The following DEDD2 variants were observed in gnomAD, a reference collection of about 807,000 sequenced individuals.
DEDD2 encodes death effector domain containing 2.
Under a neutral mutation model 28.9 loss-of-function variants are expected in DEDD2, and 18 were observed. That is an observed-to-expected ratio of 0.62 (90% CI 0.43 to 0.92). The LOEUF (loss-of-function observed/expected upper bound fraction) is 0.92. DEDD2 is among the 40% of genes least tolerant of loss of function. DEDD2 has a pLI of 0.00. For missense variants in DEDD2, 411 were observed against 463.3 expected (o/e 0.89, Z 1.04); for synonymous variants, 211 against 206.1 (o/e 1.02, Z -0.20).
In DEDD2 at chr19:42,206,063, G is replaced by A. The variant is rs529693683; in HGVS notation, c.589+3637C>T. ...TGCGCCACTGTGCTCCAGCCTGGGC[G>A]ACGGAGACCCTGTCTCATAATTTAA... On this transcript the variant is annotated intron_variant, in intron 4 of 4. Coordinates refer to ENST00000596251, the MANE Select transcript of DEDD2 (RefSeq NM_133328.4). 9.4e-5 allele frequency among the ~76,000 whole-genome samples: 14 copies of A among 149,460 alleles called. No homozygotes were observed. The East Asian group carries it at 2.8e-3, about 29-fold the overall frequency.
intron 4 of DEDD2, among the ~76,000 whole-genome samples, chr19:42,207,862 C>A (rs1459760894): frequency 6.6e-6 from 1 of 151,740 alleles, no homozygotes; most frequent in Non-Finnish European, 1.5e-5. Flanking sequence ...CTGCTCCAGA[C>A]AGACTCAGCC....
At chr19:42,217,358 C>G (rs2036024223) in intron 1 of DEDD2, among the ~76,000 whole-genome samples, 1 of 152,232 alleles carries the variant, frequency 6.6e-6, no homozygotes, top group African/African-American at 2.4e-5. Context: ...CTGACTGCCC[C>G]TGACTCTGGG....
At chr19:42,210,423 C>T (rs1195717974) in intron 3 of DEDD2, among the ~76,000 whole-genome samples, 1 of 151,858 alleles carries the variant, frequency 6.6e-6, no homozygotes, top group Non-Finnish European at 1.5e-5. Flanking sequence ...GACCGAGTTT[C>T]GCTCTTGTTG....
intron 3 of DEDD2, among the ~76,000 whole-genome samples, chr19:42,213,274 A>C (rs1246539414): frequency 6.6e-6 from 1 of 152,178 alleles, no homozygotes; most frequent in African/African-American, 2.4e-5. Context: ...AAAGAGAAAG[A>C]AAAAAGAAAA....
In DEDD2 at chr19:42,199,323, TGTCGCA is replaced by T; in HGVS notation, c.*109_*114del. On this transcript the variant is annotated 3_prime_UTR_variant, in exon 5 of 5. Transcript: ENST00000596251. This position sits in a 1 kb window ranked among gnomAD's most constrained non-coding sequence, Gnocchi z 7.4. ...GTCAAGGGGCCTGCTGTCCCGGTCC[TGTCGCA>T]GTCCTCAAAGATGCTAGAGTGACAG... is the stretch of plus-strand genomic sequence containing the variant. 1 of 1,391,480 alleles carries T rather than the reference TGTCGCA, an allele frequency of 7.2e-7. No individual in the cohort carries two copies. The highest frequency in any genetic ancestry group is 9.4e-7 in the Non-Finnish European group (1 of 1,059,576). 86.2% of individuals were successfully genotyped at this position (1,391,480 alleles called of 1,614,324 possible).
At position 42,216,724 on chromosome 19, in the gene DEDD2, C is replaced by T. The variant is rs1451166732; in HGVS notation, c.284G>A (p.Arg95His). 1.3e-6 allele frequency: 2 copies of T among 1,589,984 alleles called. No individual in the cohort carries two copies. Among genetic ancestry groups the T allele is most frequent in the Non-Finnish European group, 8.5e-7 (1 of 1,171,320 alleles). The change falls in exon 2 of 5, where the codon CGC becomes CAC. Residue 95 changes from arginine (R) to histidine (H), a missense_variant. Physicochemically the swap from Arg to His is conservative, Grantham distance 29 (BLOSUM62 0). This residue lies in a region of DEDD2 where 282 missense variants were observed against 273.4 expected (regional missense o/e 1.03). Coordinates refer to ENST00000596251, the MANE Select transcript of DEDD2 (RefSeq NM_133328.4). The stretch of plus-strand genomic sequence containing the variant: ...CGCCAGGTGCGGCAGCAGGTCGTGG[C>T]GGGCCAGCACGCGCAGGAGTTGCCC... ...LLGQLLRVLA[R>H]HDLLPHLARK...
chr19:42,208,471 T>C (rs772044030), intron 4 of DEDD2, among the ~76,000 whole-genome samples: 2 of 152,196 alleles, frequency 1.3e-5, no homozygotes, highest in Non-Finnish European at 2.9e-5. Context: ...AGAAGCCCAG[T>C]GCATCCTAAA....
At chr19:42,215,073 T>C in intron 3 of DEDD2, 60 bp downstream of exon 3, 1 of 1,602,182 alleles carries the variant, frequency 6.2e-7, no homozygotes, top group Admixed American at 1.7e-5. Flanking sequence ...CCTTCCTTGA[T>C]GGGCACAATT....
chr19:42,219,948 G>A (rs2036100685), upstream of DEDD2: 1 of 152,184 alleles, frequency 6.6e-6, no homozygotes, highest in Admixed American at 6.5e-5. Flanking sequence ...CCGGAGAGGA[G>A]AATAACTCCA....
At position 42,199,650 on chromosome 19, in the gene DEDD2, A is replaced by T. The variant is rs1200870641; in HGVS notation, c.769T>A (p.Ser257Thr). 1 of 1,614,030 alleles carries T rather than the reference A, an allele frequency of 6.2e-7. No individual in the cohort carries two copies. The highest frequency in any genetic ancestry group is 8.5e-7 in the Non-Finnish European group (1 of 1,179,992). ...VVCDIKFSEL[S>T]YLDAFWGDYL... is the part of the protein sequence containing the mutation. ...TCGCCCCAGAAGGCGTCCAGATAGG[A>T]GAGCTCTGAGAACTTGATGTCACAA... The change falls in exon 5 of 5, where the codon TCC (serine) becomes ACC (threonine). Residue 257 changes from serine to threonine, a missense_variant. Transcript: ENST00000596251. This position sits in a 1 kb window ranked among gnomAD's most constrained non-coding sequence, Gnocchi z 7.4.
chr19:42,216,698 G>T lies in DEDD2; in HGVS notation c.310C>A (p.Arg104Ser). The change falls in exon 2 of 5, where the codon CGC becomes AGC. Residue 104 changes from arginine to serine, a missense_variant. Physicochemically the swap from Arg to Ser is moderately radical, Grantham distance 110 (BLOSUM62 -1). Coordinates refer to ENST00000596251, the MANE Select transcript of DEDD2 (RefSeq NM_133328.4). ...ARHDLLPHLA[R>S]KRRRPVSPER... ...ACCGTACCTGGCCGGCGCCGCTTGC[G>T]CGCCAGGTGCGGCAGCAGGTCGTGG... The T allele has an allele frequency of 6.3e-7, 1 of 1,580,906 alleles. No individual in the cohort carries two copies. The highest frequency in any genetic ancestry group is 1.4e-5 in the African/African-American group (1 of 73,474).
intron 4 of DEDD2, among the ~76,000 whole-genome samples, chr19:42,200,200 G>C (rs1271514037): frequency 6.6e-6 from 1 of 152,164 alleles, no homozygotes; most frequent in African/African-American, 2.4e-5. Flanking sequence ...CAGCATGCCA[G>C]GTCCCACACC....
At chr19:42,201,187 C>T (rs904004630) in intron 4 of DEDD2, among the ~76,000 whole-genome samples, 3 of 152,224 alleles carry the variant, frequency 2.0e-5, no homozygotes, top group South Asian at 2.1e-4. Context: ...CAAGGTCACA[C>T]GGCCAGACAA....
intron 2 of DEDD2, 93 bp downstream of exon 2, chr19:42,216,587 T>C (rs1022021993): frequency 9.4e-6 from 12 of 1,277,278 alleles, no homozygotes; most frequent in Non-Finnish European, 1.2e-5. Context: ...AGCTGCCTGA[T>C]ATGGCACTGT....
rs1252529780 is a variant in DEDD2, at chr19:42,216,665, C to T, written c.328+15G>A. ...TTCCTCCCAGGAAGTGTGACACCCTCCCATTCAACCGTACCTGGCCGGCGC... is the reference window on the plus strand; with the variant it reads ...TTCCTCCCAGGAAGTGTGACACCCTTCCATTCAACCGTACCTGGCCGGCGC... On this transcript the variant is annotated intron_variant, in intron 2 of 4. Transcript: ENST00000596251. The T allele has an allele frequency of 6.5e-7, 1 of 1,546,164 alleles. No homozygotes were observed. The highest frequency in any genetic ancestry group is 1.2e-5 in the South Asian group (1 of 83,652).
At chr19:42,216,373 G>T (rs989192307) in intron 2 of DEDD2, among the ~76,000 whole-genome samples, 2 of 152,204 alleles carry the variant, frequency 1.3e-5, no homozygotes, top group African/African-American at 4.8e-5. Flanking sequence ...GACAGTAACA[G>T]GACTTCCTTG....
chr19:42,212,607 C>G (rs1052959988), intron 3 of DEDD2, among the ~76,000 whole-genome samples: 1 of 151,800 alleles, frequency 6.6e-6, no homozygotes, highest in Non-Finnish European at 1.5e-5. Context: ...TGGGACTACA[C>G]GTGCACATCA....
chr19:42,201,849 C>G, intron 4 of DEDD2: 1 of 396,234 alleles, frequency 2.5e-6, no homozygotes, highest in Non-Finnish European at 4.4e-6. Flanking sequence ...TGACTGCATC[C>G]TTGACTCCAG....
In DEDD2 at chr19:42,216,751, A is replaced by G; in HGVS notation, c.257T>C (p.Leu86Pro). ...GQCDESNLRL[L>P]GQLLRVLARH... ...GGCCAGCACGCGCAGGAGTTGCCCC[A>G]GCAGCCGCAGGTTGCTCTCGTCGCA... is the stretch of plus-strand genomic sequence containing the variant. The change falls in exon 2 of 5, where the codon CTG becomes CCG. Residue 86 changes from leucine (L) to proline (P), a missense_variant. By Grantham distance (98) the Leu-to-Pro change is moderately conservative. This residue lies in a region of DEDD2 where 282 missense variants were observed against 273.4 expected (regional missense o/e 1.03). Transcript: ENST00000596251. 15 of 1,593,778 alleles carry G rather than the reference A, an allele frequency of 9.4e-6. No individual in the cohort carries two copies. Among genetic ancestry groups the G allele is most frequent in the Non-Finnish European group, 1.3e-5 (15 of 1,171,622 alleles).
Sources: allele counts gnomAD v4.1 joint callset (sites outside exome capture counted in the v4.1 genomes callset), GRCh38; gene constraint gnomAD v4.1.1; regional missense constraint gnomAD v4.1.1; non-coding constraint Gnocchi (gnomAD v3.1); transcripts MANE v1.5; gene names NCBI Gene and HGNC (gene_info 2026-07-23, HGNC 2026-07-21).